The following CSMD1 variants were observed in gnomAD, a reference collection of about 807,000 sequenced individuals.
The protein encoded by CSMD1 is CUB and sushi domain-containing protein 1.
A neutral mutation model predicts 417.5 loss-of-function variants in CSMD1; 213 were observed. That is an observed-to-expected ratio of 0.51 (90% CI 0.46 to 0.57). The LOEUF (loss-of-function observed/expected upper bound fraction) is 0.57. CSMD1 is among the 20% of genes least tolerant of loss of function. The probability of loss-of-function intolerance (pLI) is 0.00; values close to 1 mark genes in which losing one functional copy is unlikely to be tolerated. For missense variants in CSMD1, 6,923 were observed against 4,529.7 expected, an observed-to-expected ratio of 1.53 and a Z score of -15.17; for synonymous variants, 2,862 against 1,736.8, an observed-to-expected ratio of 1.65 and a Z score of -16.11.
intron 1 of CSMD1, among the ~76,000 whole-genome samples, chr8:4,930,544 G>T (rs1263961952): frequency 3.9e-5 from 6 of 152,132 alleles, no homozygotes; most frequent in Non-Finnish European, 5.9e-5. Context: ...ATTCCTTGCA[G>T]CAGCATATAT....
At chr8:4,283,163 G>T (rs2680602) in intron 3 of CSMD1, among the ~76,000 whole-genome samples, 6,465 of 152,216 alleles carry the variant, frequency 0.042, 222 homozygotes, top group South Asian at 0.11. Context: ...GTGAAGGTAC[G>T]TTGAGAGTCT....
intron 2 of CSMD1, among the ~76,000 whole-genome samples, chr8:4,624,388 T>C (rs1045781638): frequency 2.0e-5 from 3 of 152,138 alleles, no homozygotes; most frequent in Non-Finnish European, 4.4e-5. Flanking sequence ...CTCAACCAGT[T>C]TTGGGGTCAA....
At chr8:3,779,337 T>G (rs1436203190) in intron 5 of CSMD1, among the ~76,000 whole-genome samples, 1 of 152,126 alleles carries the variant, frequency 6.6e-6, no homozygotes, top group Admixed American at 6.5e-5. Flanking sequence ...AATTTTAAAG[T>G]AGTACTGTAG....
intron 2 of CSMD1, among the ~76,000 whole-genome samples, chr8:4,607,755 TGA>T (rs1473688640): frequency 1.3e-5 from 2 of 152,218 alleles, no homozygotes; most frequent in Admixed American, 6.5e-5. Context: ...TCAAACCGCT[TGA>T]GAGTGACTCT....
At position 2,950,261 on chromosome 8, in the gene CSMD1, G is replaced by T; in HGVS notation, c.10284C>A (p.Phe3428Leu). 1 of 1,612,372 alleles carries T rather than the reference G, an allele frequency of 6.2e-7. No individual in the cohort carries two copies. The highest frequency in any genetic ancestry group is 1.1e-5 in the South Asian group (1 of 91,040). The change falls in exon 67 of 70, where the codon TTC becomes TTA. Residue 3428 changes from phenylalanine (F) to leucine (L), a missense_variant. Physicochemically the swap from Phe to Leu is conservative, Grantham distance 22. Transcript: ENST00000635120. ...CATCTAGTCCCCAGTTGTCATTTTC[G>T]AACTTGCTTACAAAAATATCTGCCT... ...KGQADIFVSK[F>L]ENDNWGLDGY...
chr8:3,155,976 A>G (rs754674911), intron 39 of CSMD1, among the ~76,000 whole-genome samples: 1 of 152,236 alleles, frequency 6.6e-6, no homozygotes, highest in Non-Finnish European at 1.5e-5. Flanking sequence ...AAACCATTGA[A>G]TACCTAAATT....
rs953799035 is a variant in CSMD1, at chr8:4,154,814, G to C, written c.416-122715C>G. ...TAAGAGAAAGACTGAATGTTGGAAA[G>C]AGAGGCACGATTATAAATTAGTGAA... On this transcript the variant is annotated intron_variant, in intron 3 of 69. Coordinates refer to ENST00000635120, the MANE Select transcript of CSMD1 (RefSeq NM_033225.6). Among the ~76,000 whole-genome samples, 13 of 152,310 alleles carry C rather than the reference G, an allele frequency of 8.5e-5. No homozygotes were observed. The East Asian group carries it at 2.5e-3, about 29-fold the overall frequency.
At chr8:4,204,377 GATC>G (rs1178071387) in intron 3 of CSMD1, among the ~76,000 whole-genome samples, 1 of 151,946 alleles carries the variant, frequency 6.6e-6, no homozygotes, top group African/African-American at 2.4e-5. Flanking sequence ...AACATCATTT[GATC>G]ATCTGTTCTA....
intron 7 of CSMD1, among the ~76,000 whole-genome samples, chr8:3,687,609 T>C (rs1800004034): frequency 6.6e-6 from 1 of 152,182 alleles, no homozygotes; most frequent in Non-Finnish European, 1.5e-5. Flanking sequence ...TCTTTGAAGA[T>C]TTCAGTGGGT....
chr8:3,523,971 GCA>G (rs201043919), intron 10 of CSMD1, among the ~76,000 whole-genome samples: 4,561 of 122,294 alleles, frequency 0.037, 113 homozygotes, highest in South Asian at 0.12. Context: ...ACTTACACAT[GCA>G]CACACACATG....
In CSMD1 at chr8:4,650,613, G is replaced by C. The variant is rs572091770; in HGVS notation, c.86-13055C>G. Among the ~76,000 whole-genome samples the C allele has an allele frequency of 3.3e-5, 5 of 151,308 alleles. No homozygotes were observed. In the East Asian group the frequency reaches 5.8e-4, roughly 18 times the overall value. On this transcript the variant is annotated intron_variant, in intron 1 of 69. Transcript: ENST00000635120. ...TCGGATTTGCTATACAAAGTATTTT[G>C]GCAAAAAGGAAGTGACAGCCTTTCG...
intron 3 of CSMD1, among the ~76,000 whole-genome samples, chr8:4,366,799 C>G (rs1190280910): frequency 6.6e-6 from 1 of 152,068 alleles, no homozygotes; most frequent in Admixed American, 6.6e-5. Flanking sequence ...TGCTGCTGTG[C>G]TGCACCCATT....
chr8:3,690,402 T>A (rs370695974), intron 7 of CSMD1, among the ~76,000 whole-genome samples: 32 of 152,350 alleles, frequency 2.1e-4, no homozygotes, highest in African/African-American at 6.7e-4. Context: ...TTTGCCAGCC[T>A]TTGATAAAAT....
chr8:4,224,169 A>G (rs761310638), intron 3 of CSMD1, among the ~76,000 whole-genome samples: 8 of 152,162 alleles, frequency 5.3e-5, no homozygotes, highest in Non-Finnish European at 7.3e-5. Flanking sequence ...CATAATCACA[A>G]AACTATAGAC....
In CSMD1 at chr8:3,468,617, T is replaced by G. The variant is rs538386295; in HGVS notation, c.1561+95A>C. The G allele has an allele frequency of 3.2e-5, 22 of 677,940 alleles. No individual in the cohort carries two copies. The South Asian group carries it at 3.8e-4, about 12-fold the overall frequency. The allele number at this position is 677,940 out of a possible 1,614,324, so 42.0% of individuals were successfully genotyped here. A position where few individuals can be genotyped will look rare whatever the true frequency, so the allele number is the denominator to read the frequency against. On this transcript the variant is annotated intron_variant, in intron 12 of 69. Transcript: ENST00000635120. ...TTCCTATTTATCAGCATTGTTTGAC[T>G]TGTTGATTTTACTTCTACCTAACCA...
At chr8:3,298,405 G>A (rs1313207053) in intron 25 of CSMD1, among the ~76,000 whole-genome samples, 1 of 152,196 alleles carries the variant, frequency 6.6e-6, no homozygotes, top group Non-Finnish European at 1.5e-5. Flanking sequence ...ATCAATGGGT[G>A]TGAAGATTGA....
intron 3 of CSMD1, among the ~76,000 whole-genome samples, chr8:4,367,012 G>A (rs1305024428): frequency 6.6e-6 from 1 of 152,092 alleles, no homozygotes; most frequent in Admixed American, 6.6e-5. Context: ...TTACTCTGTT[G>A]ATAACTTCTT....
At chr8:3,569,536 A>G (rs1226478329) in intron 10 of CSMD1, among the ~76,000 whole-genome samples, 1 of 152,242 alleles carries the variant, frequency 6.6e-6, no homozygotes, top group Non-Finnish European at 1.5e-5. Context: ...AAGTTTGCAG[A>G]CCAGGTCAAA....
intron 3 of CSMD1, among the ~76,000 whole-genome samples, chr8:4,299,411 G>T (rs1439086877): frequency 6.6e-6 from 1 of 152,070 alleles, no homozygotes; most frequent in Non-Finnish European, 1.5e-5. Context: ...CATGAGAGAG[G>T]TGATTTTCAG....
Sources: allele counts gnomAD v4.1 joint callset (sites outside exome capture counted in the v4.1 genomes callset), GRCh38; gene constraint gnomAD v4.1.1; transcripts MANE v1.5; gene names NCBI Gene and HGNC (gene_info 2026-07-23, HGNC 2026-07-21).